The following CDH20 variants were observed in gnomAD, a reference collection of about 807,000 sequenced individuals.
CDH20 encodes cadherin-20.
A neutral mutation model predicts 74.2 loss-of-function variants in CDH20; 29 were observed. The observed-to-expected ratio is 0.39, with a 90% CI of 0.29 to 0.53. The LOEUF (loss-of-function observed/expected upper bound fraction) is 0.53, where lower values mean the gene tolerates loss of function less well. CDH20 is among the 20% of genes least tolerant of loss of function. The pLI is 0.69. For synonymous variants in CDH20, 469 were observed against 405.4 expected (o/e 1.16, Z -1.88); for missense variants, 988 against 1,048.3 (o/e 0.94, Z 0.79).
chr18:61,361,179 C>CTCT (rs1303982930), intron 1 of CDH20, among the ~76,000 whole-genome samples: 1 of 152,196 alleles, frequency 6.6e-6, no homozygotes, highest in African/African-American at 2.4e-5. Flanking sequence ...GGGTACCTTC[C>CTCT]TCTTCTGCTG....
intron 6 of CDH20, among the ~76,000 whole-genome samples, chr18:61,523,863 G>A (rs1349298011): frequency 6.6e-6 from 1 of 152,104 alleles, no homozygotes; most frequent in Non-Finnish European, 1.5e-5. Context: ...AGTGAACAAT[G>A]AGAACACATG....
intron 1 of CDH20, among the ~76,000 whole-genome samples, chr18:61,432,333 G>C (rs927146425): frequency 6.6e-6 from 1 of 150,588 alleles, no homozygotes; most frequent in East Asian, 2.0e-4. Flanking sequence ...CTTTTCGTCT[G>C]TTCTCCCACA....
chr18:61,507,478 C>T lies in CDH20; in HGVS notation c.935C>T (p.Thr312Ile), dbSNP rs1448294068. The change falls in exon 6 of 12, where the codon ACT (threonine) becomes ATT (isoleucine). Residue 312 changes from threonine (T) to isoleucine (I), a missense_variant. Thr to Ile is a moderately conservative substitution (Grantham distance 89, BLOSUM62 -1). Coordinates refer to ENST00000262717, the MANE Select transcript of CDH20 (RefSeq NM_031891.4). The part of the protein sequence containing the change: ...DEGINAEMKY[T>I]IVDGDGADAF... ...GGCATCAATGCAGAGATGAAATATA[C>T]TATTGTGGATGGAGATGGTGCAGAT... The T allele has an allele frequency of 5.0e-6, 8 of 1,613,952 alleles. No homozygotes were observed. The highest frequency in any genetic ancestry group is 6.8e-6 in the Non-Finnish European group (8 of 1,179,910).
At chr18:61,427,426 A>C (rs1204109364) in intron 1 of CDH20, among the ~76,000 whole-genome samples, 2 of 152,098 alleles carry the variant, frequency 1.3e-5, no homozygotes, top group East Asian at 1.9e-4. Context: ...CATGATTCCC[A>C]CCTTGATAGC....
chr18:61,548,407 T>C (rs1281894129), intron 10 of CDH20, among the ~76,000 whole-genome samples: 1 of 152,234 alleles, frequency 6.6e-6, no homozygotes, highest in Non-Finnish European at 1.5e-5. Flanking sequence ...TAGGCCTTAC[T>C]TCTATTTCTG....
In CDH20 at chr18:61,396,610, A is replaced by G. The variant is rs115174908; in HGVS notation, c.-153+62783A>G. 4.9e-3 allele frequency among the ~76,000 whole-genome samples: 750 copies of G among 152,334 alleles called. 5 individuals carry two copies. The highest frequency in any genetic ancestry group is 0.017 in the African/African-American group (703 of 41,582). On this transcript the variant is annotated intron_variant, in intron 1 of 11. Transcript: ENST00000262717. ...CTTGGCTTTCATCTTAGAGTTTGTA[A>G]TCAACCCAGGATGTGGATACACGCT...
chr18:61,442,583 G>C (rs1456962061), intron 1 of CDH20, among the ~76,000 whole-genome samples: 1 of 151,998 alleles, frequency 6.6e-6, no homozygotes, highest in Non-Finnish European at 1.5e-5. Context: ...TACAATTAAG[G>C]CTTCAAACCA....
intron 7 of CDH20, among the ~76,000 whole-genome samples, chr18:61,531,191 C>T (rs1912623449): frequency 6.6e-6 from 1 of 152,222 alleles, no homozygotes; most frequent in South Asian, 2.1e-4. Context: ...AGGGATTCCC[C>T]TCGATGAGGG....
chr18:61,502,708 T>A (rs1226177246), intron 4 of CDH20, among the ~76,000 whole-genome samples: 1 of 152,174 alleles, frequency 6.6e-6, no homozygotes, highest in East Asian at 1.9e-4. Context: ...TCACTTTCAG[T>A]AATGTTGCCA....
At chr18:61,434,089 T>C (rs1440471810) in intron 1 of CDH20, among the ~76,000 whole-genome samples, 1 of 152,128 alleles carries the variant, frequency 6.6e-6, no homozygotes, top group East Asian at 1.9e-4. Context: ...CTGTGACATA[T>C]GATACAGGAC....
intron 1 of CDH20, among the ~76,000 whole-genome samples, chr18:61,345,746 TCATGGGAAA>T (rs1054051925): frequency 2.6e-5 from 4 of 152,148 alleles, no homozygotes; most frequent in African/African-American, 9.7e-5. Flanking sequence ...TCTTAATGAA[TCATGGGAAA>T]CATCTCTGAG....
At chr18:61,493,314 G>A (rs1338553911) in intron 2 of CDH20, among the ~76,000 whole-genome samples, 1 of 152,100 alleles carries the variant, frequency 6.6e-6, no homozygotes, top group East Asian at 1.9e-4. Flanking sequence ...AACTATGCCG[G>A]TGCTGCCTGT....
intron 1 of CDH20, among the ~76,000 whole-genome samples, chr18:61,415,851 T>A (rs1912663511): frequency 6.6e-6 from 1 of 152,122 alleles, no homozygotes; most frequent in Non-Finnish European, 1.5e-5. Context: ...TTAAAAAAAA[T>A]GATATAATAC....
At chr18:61,475,735 A>G (rs1238253389) in intron 1 of CDH20, among the ~76,000 whole-genome samples, 1 of 152,184 alleles carries the variant, frequency 6.6e-6, no homozygotes, top group African/African-American at 2.4e-5. Context: ...ATAATTCTCC[A>G]CTAAGTACTG....
At chr18:61,412,736 C>G (rs770918907) in intron 1 of CDH20, among the ~76,000 whole-genome samples, 3 of 151,948 alleles carry the variant, frequency 2.0e-5, no homozygotes, top group African/African-American at 4.8e-5. Context: ...TAAAATACAG[C>G]CATTAAAAAT....
intron 6 of CDH20, among the ~76,000 whole-genome samples, chr18:61,527,366 A>AATAGATG (rs1555683342): frequency 2.1e-5 from 3 of 142,054 alleles, no homozygotes; most frequent in African/African-American, 5.2e-5. Flanking sequence ...TGAATATTCT[A>AATAGATG]ATAGATAGAT....
chr18:61,554,044 C>T, intron 11 of CDH20, 146 bp from the exon 12 acceptor site: 1 of 883,230 alleles, frequency 1.1e-6, no homozygotes, highest in Admixed American at 2.9e-5. Flanking sequence ...TTAGAACTCC[C>T]CGAGGTTTCA....
chr18:61,490,482 TTTAAA>T lies in CDH20; in HGVS notation c.-69_-65del. ...TGTCCAATCAAAAACTGTGTATTTT[TTTAAA>T]TTTGGAAAATACTCAAGTTCCAGTT... On this transcript the variant is annotated 5_prime_UTR_variant, in exon 2 of 12. Coordinates refer to ENST00000262717, the MANE Select transcript of CDH20 (RefSeq NM_031891.4). 6.7e-7 allele frequency: 1 copy of T among 1,493,976 alleles called. No individual in the cohort carries two copies. The highest frequency in any genetic ancestry group is 9.2e-7 in the Non-Finnish European group (1 of 1,084,826). 92.5% of individuals were successfully genotyped at this position (1,493,976 alleles called of 1,614,324 possible).
chr18:61,400,203 A>AG (rs781356617), intron 1 of CDH20, among the ~76,000 whole-genome samples: 30 of 152,310 alleles, frequency 2.0e-4, no homozygotes, highest in Non-Finnish European at 3.8e-4. Context: ...CTGTAGTCGC[A>AG]GCCTCTTTCC....
Sources: allele counts gnomAD v4.1 joint callset (sites outside exome capture counted in the v4.1 genomes callset), GRCh38; gene constraint gnomAD v4.1.1; transcripts MANE v1.5; gene names NCBI Gene and HGNC (gene_info 2026-07-23, HGNC 2026-07-21).